Variants in TCHHL1 observed in about 807,000 individuals in gnomAD.
TCHHL1 encodes the protein trichohyalin like 1.
In TCHHL1, 1 loss-of-function variant was observed where a neutral mutation model predicts 3.5. That is an observed-to-expected ratio of 0.29 (90% confidence interval 0.10 to 1.36). The LOEUF is 1.36. Ranked by LOEUF, TCHHL1 falls within the 40% of genes most tolerant of loss-of-function variation. The pLI is 0.43. For missense variants in TCHHL1, 1,027 were observed against 1,032.8 expected, an observed-to-expected ratio of 0.99 and a Z score of 0.08; for synonymous variants, 405 against 375.3, an observed-to-expected ratio of 1.08 and a Z score of -0.92.
Position 152,084,758 on chromosome 1 carries a change from A to C in TCHHL1, c.*209T>G. ...AAAGCCCATTTTGGCATTTGGAAGT[A>C]GCATTGTTTGGTAGGAGTTTTACTG... On this transcript the variant is annotated 3_prime_UTR_variant, in exon 3 of 3. Coordinates refer to ENST00000368806, the MANE Select transcript of TCHHL1 (RefSeq NM_001008536.2). 1.9e-6 allele frequency: 1 copy of C among 540,152 alleles called. No homozygotes were observed. The highest frequency in any genetic ancestry group is 3.1e-5 in the South Asian group (1 of 32,052). The allele number at this position is 540,152 out of a possible 1,614,324, so 33.5% of individuals were successfully genotyped here. A position where few individuals can be genotyped will look rare whatever the true frequency, so the allele number is the denominator to read the frequency against.
In TCHHL1 at chr1:152,088,171, A is replaced by G; in HGVS notation, c.-20-8T>C. 1 of 1,528,186 alleles carries G rather than the reference A, an allele frequency of 6.5e-7. No individual in the cohort carries two copies. Among genetic ancestry groups the G allele is most frequent in the African/African-American group, 1.4e-5 (1 of 72,070 alleles). The allele number at this position is 1,528,186 out of a possible 1,614,324, so 94.7% of individuals were successfully genotyped here. A position where few individuals can be genotyped will look rare whatever the true frequency, so the allele number is the denominator to read the frequency against. ...TTACAAACTCAGGAGAGGCTGTGAG[A>G]AAGAATAAACAAAGCTCATTTTCCA... On this transcript the variant is annotated splice_polypyrimidine_tract_variant and splice_region_variant and intron_variant, in intron 1 of 2. Transcript: ENST00000368806.
chr1:152,086,272 T>C lies in TCHHL1; in HGVS notation c.1410A>G (p.Glu470=), dbSNP rs1374771745. The C allele has an allele frequency of 1.2e-6, 2 of 1,614,262 alleles. No homozygotes were observed. Among genetic ancestry groups the C allele is most frequent in the Non-Finnish European group, 1.7e-6 (2 of 1,180,044 alleles). ...EGTAVSGEEA[E]HTKEGTAEAF... ...CTTCTGCTGTGCCTTCTTTGGTGTGTTCTGCCTCTTCTCCTGAGACTGCTG... is the reference window on the plus strand; with the variant it reads ...CTTCTGCTGTGCCTTCTTTGGTGTGCTCTGCCTCTTCTCCTGAGACTGCTG... The change falls in exon 3 of 3, where the codon GAA becomes GAG. Residue 470 remains glutamate, a synonymous_variant. Coordinates refer to ENST00000368806, the MANE Select transcript of TCHHL1 (RefSeq NM_001008536.2).
intron 1 of TCHHL1, 126 bp from the exon 2 acceptor site, chr1:152,088,289 T>C (rs1657773274): frequency 2.6e-6 from 2 of 771,890 alleles, no homozygotes; most frequent in Non-Finnish European, 1.9e-6. Flanking sequence ...TATCTTAAAA[T>C]ATTATATCTG....
Position 152,087,498 on chromosome 1 carries a change from T to C in TCHHL1, c.184A>G (p.Ile62Val), listed in dbSNP as rs531643090. The C allele has an allele frequency of 6.2e-7, 1 of 1,600,572 alleles. No individual in the cohort carries two copies. Among genetic ancestry groups the C allele is most frequent in the East Asian group, 2.2e-5 (1 of 44,878 alleles). Residue 62 changes from isoleucine (I) to valine (V), a missense_variant, in exon 3 of 3, where the codon ATT (isoleucine) becomes GTT (valine). Ile to Val is a conservative substitution (Grantham distance 29). Around this residue, in one of 3 missense-constraint regions of TCHHL1, gnomAD observed 338 missense variants for 335.9 expected, o/e 1.01. Coordinates refer to ENST00000368806, the MANE Select transcript of TCHHL1 (RefSeq NM_001008536.2). ...AVEKNSNLLN[I>V]DSNGIISFDE... ...AAACTGATGATGCCATTACTGTCAA[T>C]ATTCAGAAGATTTGAATTTTTTTCC...
Position 152,085,673 on chromosome 1 carries a change from A to G in TCHHL1, c.2009T>C (p.Ile670Thr). The G allele has an allele frequency of 6.2e-7, 1 of 1,613,996 alleles. No individual in the cohort carries two copies. Among genetic ancestry groups the G allele is most frequent in the Non-Finnish European group, 8.5e-7 (1 of 1,180,002 alleles). ...AGDENRKSLEIEITGALDEDF... is the reference protein window; with the variant it reads ...AGDENRKSLETEITGALDEDF... ...TTCATCCAGGGCACCTGTGATCTCT[A>G]TTTCCAGGGACTTTCTATTTTCATC... is the stretch of plus-strand genomic sequence containing the variant. The change falls in exon 3 of 3, where the codon ATA (isoleucine) becomes ACA (threonine). Residue 670 changes from isoleucine to threonine, a missense_variant. Ile to Thr is a moderately conservative substitution (Grantham distance 89). Around this residue, in one of 3 missense-constraint regions of TCHHL1, gnomAD observed 673 missense variants for 658.6 expected, o/e 1.02. Transcript: ENST00000368806.
In TCHHL1 at chr1:152,085,764, T is replaced by A. The variant is rs1439311414; in HGVS notation, c.1918A>T (p.Thr640Ser). The A allele has an allele frequency of 1.2e-6, 2 of 1,614,156 alleles. No homozygotes were observed. The highest frequency in any genetic ancestry group is 1.3e-5 in the African/African-American group (1 of 75,024). Residue 640 changes from threonine (T) to serine (S), a missense_variant, in exon 3 of 3, where the codon ACC becomes TCC. Around this residue, in one of 3 missense-constraint regions of TCHHL1, gnomAD observed 673 missense variants for 658.6 expected, o/e 1.02. Coordinates refer to ENST00000368806, the MANE Select transcript of TCHHL1 (RefSeq NM_001008536.2). Reference sequence around the variant, plus strand: ...TCCACAGCTGCACCTGGGCCTTTGGTCCCTGGGCCTTGATTCTTGTGTTCT... The same window carrying A: ...TCCACAGCTGCACCTGGGCCTTTGGACCCTGGGCCTTGATTCTTGTGTTCT... Reference protein sequence around the residue: ...RGEHKNQGPGTKGPGAAVEPN... With the variant: ...RGEHKNQGPGSKGPGAAVEPN...
rs1214773880 is a variant in TCHHL1, at chr1:152,088,118, A to G, written c.26T>C (p.Leu9Pro). ...TTTGTGGAATGTCTCAATTACACAG[A>G]GGACATTTCTCAGGAGCTGAGGCAT... The part of the protein sequence containing the change: MPQLLRNV[L>P]CVIETFHKYA... The change falls in exon 2 of 3, where the codon CTC (leucine) becomes CCC (proline). Residue 9 changes from leucine (L) to proline (P), a missense_variant. Coordinates refer to ENST00000368806, the MANE Select transcript of TCHHL1 (RefSeq NM_001008536.2). 1.3e-6 allele frequency: 2 copies of G among 1,598,474 alleles called. No individual in the cohort carries two copies. The highest frequency in any genetic ancestry group is 2.3e-5 in the South Asian group (2 of 88,480).
intron 1 of TCHHL1, among the ~76,000 whole-genome samples, chr1:152,088,672 A>G (rs1248596311): frequency 2.0e-5 from 3 of 152,176 alleles, no homozygotes; most frequent in Non-Finnish European, 2.9e-5. Context: ...TGGTAACAAC[A>G]TGCTTTAACC....
chr1:152,087,016 T>C lies in TCHHL1; in HGVS notation c.666A>G (p.Thr222=). The C allele has an allele frequency of 6.2e-7, 1 of 1,614,174 alleles. No individual in the cohort carries two copies. The highest frequency in any genetic ancestry group is 1.1e-5 in the South Asian group (1 of 91,080). Residue 222 remains threonine, a synonymous_variant, in exon 3 of 3, where the codon ACA becomes ACG. Coordinates refer to ENST00000368806, the MANE Select transcript of TCHHL1 (RefSeq NM_001008536.2). ...TCTCCTTATCTTGTCCCTTCCTCTC[T>C]GTGGGACTGCTGGTCTTTTTTGATC... ...MAGSKKTSSP[T]ERKGQDKEIS...
Position 152,086,515 on chromosome 1 carries a change from ATC to A in TCHHL1, c.1165_1166del (p.Asp389Ter), listed in dbSNP as rs752761861. The A allele has an allele frequency of 1.4e-5, 22 of 1,613,220 alleles. No individual in the cohort carries two copies. Among genetic ancestry groups the A allele is most frequent in the Non-Finnish European group, 1.9e-5 (22 of 1,179,898 alleles). ...CAGGACCTCTCCTCTCTTTCCTTTCATCTCTCATGTCAGATGTTTCTGAACCA... is the reference window on the plus strand; with the variant it reads ...CAGGACCTCTCCTCTCTTTCCTTTCATCTCATGTCAGATGTTTCTGAACCA... ...RNGSETSDMR[D>X]ERKERRGPEA... On this transcript the variant is annotated frameshift_variant, in exon 3 of 3. Transcript: ENST00000368806. LOFTEE classifies it low-confidence loss of function (END_TRUNC).
Position 152,085,045 on chromosome 1 carries a change from C to T in TCHHL1, c.2637G>A (p.Gln879=). The T allele has an allele frequency of 6.2e-7, 1 of 1,614,050 alleles. No individual in the cohort carries two copies. The change falls in exon 3 of 3, where the codon CAG becomes CAA. Residue 879 remains glutamine, a synonymous_variant. Coordinates refer to ENST00000368806, the MANE Select transcript of TCHHL1 (RefSeq NM_001008536.2). ...PAGAQETPAP[Q]ALEDKQGHPQ... is the part of the protein sequence containing the mutation. ...GGTGACCTTGCTTATCTTCCAAGGC[C>T]TGGGGAGCTGGTGTTTCCTGTGCAC... is the stretch of plus-strand genomic sequence containing the variant.
rs201184402 is a variant in TCHHL1, at chr1:152,087,322, C to G, written c.360G>C (p.Gln120His). The G allele has an allele frequency of 5.0e-6, 8 of 1,614,014 alleles. No homozygotes were observed. In the East Asian group the frequency reaches 1.8e-4, roughly 36 times the overall value. ...GAGTTGGTGAAGTTCCCACTGTCCA[C>G]TGACCATCTCCGGTGGTTGCCTGAA... ...VDVQATTGDG[Q>H]WTVGTSPTQE... is the part of the protein sequence containing the mutation. The change falls in exon 3 of 3, where the codon CAG becomes CAC. Residue 120 changes from glutamine to histidine, a missense_variant. Coordinates refer to ENST00000368806, the MANE Select transcript of TCHHL1 (RefSeq NM_001008536.2).
chr1:152,087,895 A>G (rs1215007775), intron 2 of TCHHL1, 111 bp downstream of exon 2: 5 of 1,321,410 alleles, frequency 3.8e-6, no homozygotes, highest in Non-Finnish European at 5.2e-6. Flanking sequence ...GTGAGTGCTG[A>G]GAACTGTTAG....
Position 152,084,218 on chromosome 1 carries a change from C to T in TCHHL1, c.*749G>A, listed in dbSNP as rs1262355542. ...CATATAGGTAAACACTTAGTAGACT[C>T]ACTGGATGGTTGGTTACAAGAGCTT... On this transcript the variant is annotated 3_prime_UTR_variant, in exon 3 of 3. Transcript: ENST00000368806. 2.4e-5 allele frequency: 4 copies of T among 168,894 alleles called. No homozygotes were observed. The highest frequency in any genetic ancestry group is 5.9e-5 in the Non-Finnish European group (4 of 68,140). 10.5% of individuals were successfully genotyped at this position (168,894 alleles called of 1,614,324 possible).
chr1:152,087,133 C>T lies in TCHHL1; in HGVS notation c.549G>A (p.Leu183=), dbSNP rs750816601. ...CTTCCTGACTTTGTTCATCTCCTTCCAGGTGTTTGTTCTTAGGATCATTGT... is the reference window on the plus strand; with the variant it reads ...CTTCCTGACTTTGTTCATCTCCTTCTAGGTGTTTGTTCTTAGGATCATTGT... ...SEHNDPKNKH[L]EGDEQSQEVA... is the part of the protein sequence containing the mutation. The change falls in exon 3 of 3, where the codon CTG becomes CTA. Residue 183 remains leucine, a synonymous_variant. Coordinates refer to ENST00000368806, the MANE Select transcript of TCHHL1 (RefSeq NM_001008536.2). The T allele has an allele frequency of 6.2e-6, 10 of 1,614,050 alleles. No homozygotes were observed. In the African/African-American group the frequency reaches 1.2e-4, roughly 19 times the overall value.
Position 152,086,662 on chromosome 1 carries a change from A to C in TCHHL1, c.1020T>G (p.Ala340=). ...TCTTTGTTTTAGCTGGTGTCTGGTC[A>C]GCATCCTTTCCTGGTTCTTGAGTGT... is the stretch of plus-strand genomic sequence containing the variant. The part of the protein sequence containing the change: ...MFDTQEPGKD[A]DQTPAKTKNL... Residue 340 remains alanine, a synonymous_variant, in exon 3 of 3, where the codon GCT becomes GCG. Transcript: ENST00000368806. 1 of 1,614,150 alleles carries C rather than the reference A, an allele frequency of 6.2e-7. No homozygotes were observed. The highest frequency in any genetic ancestry group is 8.5e-7 in the Non-Finnish European group (1 of 1,180,024).
At position 152,085,371 on chromosome 1, in the gene TCHHL1, A is replaced by T; in HGVS notation, c.2311T>A (p.Ser771Thr). Reference protein sequence around the residue: ...QKSPAKKEHNSSVPWSSLEKQ... With the variant: ...QKSPAKKEHNTSVPWSSLEKQ... ...TCAAGACTTGACCAGGGGACTGAAGAATTGTGCTCTTTCTTGGCTGGACTT... is the reference window on the plus strand; with the variant it reads ...TCAAGACTTGACCAGGGGACTGAAGTATTGTGCTCTTTCTTGGCTGGACTT... Residue 771 changes from serine to threonine, a missense_variant, in exon 3 of 3, where the codon TCT becomes ACT. Around this residue, in one of 3 missense-constraint regions of TCHHL1, gnomAD observed 673 missense variants for 658.6 expected, o/e 1.02. Transcript: ENST00000368806. 6.2e-7 allele frequency: 1 copy of T among 1,614,080 alleles called. No homozygotes were observed. The highest frequency in any genetic ancestry group is 8.5e-7 in the Non-Finnish European group (1 of 1,180,018).
At position 152,085,185 on chromosome 1, in the gene TCHHL1, C is replaced by G. The variant is rs1324537407; in HGVS notation, c.2497G>C (p.Glu833Gln). 3.1e-6 allele frequency: 5 copies of G among 1,614,192 alleles called. No individual in the cohort carries two copies. In the South Asian group the frequency reaches 4.4e-5, roughly 14 times the overall value. ...QVQIAQASGP[E>Q]LCSVSLTSEI... ...CTGGTGAGGGATACACTGCAAAGCT[C>G]TGGGCCTGATGCCTGGGCTATCTGA... is the stretch of plus-strand genomic sequence containing the variant. The change falls in exon 3 of 3, where the codon GAG becomes CAG. Residue 833 changes from glutamate (E) to glutamine (Q), a missense_variant. Physicochemically the swap from Glu to Gln is conservative, Grantham distance 29 (BLOSUM62 2). Coordinates refer to ENST00000368806, the MANE Select transcript of TCHHL1 (RefSeq NM_001008536.2).
rs916076191 is a variant in TCHHL1, at chr1:152,085,696, A to G, written c.1986T>C (p.Asp662=). The G allele has an allele frequency of 6.2e-7, 1 of 1,613,678 alleles. No individual in the cohort carries two copies. Residue 662 remains aspartate, a synonymous_variant, in exon 3 of 3, where the codon GAT becomes GAC. Transcript: ENST00000368806. ...HPEAQESTAG[D]ENRKSLEIEI... ...CTATTTCCAGGGACTTTCTATTTTCATCTCCTGCTGTGGATTCCTGTGCTT... is the reference window on the plus strand; with the variant it reads ...CTATTTCCAGGGACTTTCTATTTTCGTCTCCTGCTGTGGATTCCTGTGCTT...
Sources: allele counts gnomAD v4.1 joint callset (sites outside exome capture counted in the v4.1 genomes callset), GRCh38; gene constraint gnomAD v4.1.1; regional missense constraint gnomAD v4.1.1; transcripts MANE v1.5; gene names NCBI Gene and HGNC (gene_info 2026-07-23, HGNC 2026-07-21).